The following SIRT1 variants were observed in gnomAD, a reference collection of about 807,000 sequenced individuals.
SIRT1 encodes the protein NAD-dependent protein deacetylase sirtuin-1.
Under a neutral mutation model 67.9 loss-of-function variants are expected in SIRT1, and 24 were observed. That is an observed-to-expected ratio of 0.35 (90% CI 0.26 to 0.50). The LOEUF (loss-of-function observed/expected upper bound fraction) is 0.50, where lower values mean the gene tolerates loss of function less well. Ranked by LOEUF, SIRT1 falls within the 20% of genes least tolerant of loss-of-function variation. The pLI is 0.98. For synonymous variants in SIRT1, 378 were observed against 350.7 expected (o/e 1.08, Z -0.87); for missense variants, 873 against 937.2 (o/e 0.93, Z 0.89).
intron 4 of SIRT1, among the ~76,000 whole-genome samples, chr10:67,898,541 G>A (rs1001737569): frequency 2.0e-5 from 3 of 152,082 alleles, no homozygotes; most frequent in Admixed American, 6.5e-5. Context: ...AAAAATCAAC[G>A]TCAGTAAAAA....
intron 7 of SIRT1, 152 bp from the exon 8 acceptor site, chr10:67,912,322 G>GTAAT: frequency 1.6e-6 from 1 of 645,136 alleles, no homozygotes; most frequent in Non-Finnish European, 2.6e-6. Context: ...TTGATGAAAT[G>GTAAT]TAATGGCTTG....
chr10:67,910,935 T>G (rs1233635937), intron 7 of SIRT1, among the ~76,000 whole-genome samples: 4 of 152,166 alleles, frequency 2.6e-5, no homozygotes. Flanking sequence ...GAGAATTGAA[T>G]TAGACCCCAC....
chr10:67,897,862 A>T (rs1275783317), intron 4 of SIRT1, among the ~76,000 whole-genome samples: 2 of 152,102 alleles, frequency 1.3e-5, no homozygotes, highest in East Asian at 3.8e-4. Context: ...TGGTTCTCAG[A>T]AACCTAAAAT....
intron 3 of SIRT1, 72 bp downstream of exon 3, chr10:67,889,195 TC>T: frequency 6.8e-7 from 1 of 1,477,562 alleles, no homozygotes; most frequent in Non-Finnish European, 9.0e-7. Context: ...GAAACATTTT[TC>T]TGGTTTAGAA....
intron 1 of SIRT1, chr10:67,885,479 T>A (rs1312436279): frequency 3.2e-6 from 3 of 923,904 alleles, no homozygotes; most frequent in African/African-American, 1.7e-5. Flanking sequence ...TTGTTAGAGC[T>A]TTTTTTTTCT....
rs983640347 is a variant in SIRT1 at position 67,914,304 on chromosome 10, C to T, written c.1915+1273C>T. Among the ~76,000 whole-genome samples the T allele has an allele frequency of 4.6e-5, 7 of 152,044 alleles. No individual in the cohort carries two copies. In the South Asian group the frequency reaches 1.2e-3, roughly 27 times the overall value. ...TCAGGCTGGTCTCAAACTCCTGACC[C>T]CATGATCCATCCACCTCGGCCTCCC... On this transcript the variant is annotated intron_variant, in intron 8 of 8. Coordinates refer to ENST00000212015, the MANE Select transcript of SIRT1 (RefSeq NM_012238.5).
At chr10:67,907,822 T>C (rs1228853862) in intron 5 of SIRT1, among the ~76,000 whole-genome samples, 2 of 152,182 alleles carry the variant, frequency 1.3e-5, no homozygotes, top group Non-Finnish European at 2.9e-5. Flanking sequence ...GAGAATCATA[T>C]TCATTCTATG....
chr10:67,887,418 T>C lies in SIRT1; in HGVS notation c.432T>C (p.Asp144=), dbSNP rs1451384183. 6.2e-7 allele frequency: 1 copy of C among 1,608,724 alleles called. No individual in the cohort carries two copies. Among genetic ancestry groups the C allele is most frequent in the East Asian group, 2.2e-5 (1 of 44,818 alleles). The change falls in exon 2 of 9, where the codon GAT becomes GAC. Residue 144 remains aspartate, a splice_region_variant and synonymous_variant. Coordinates refer to ENST00000212015, the MANE Select transcript of SIRT1 (RefSeq NM_012238.5). ...EAAAAAIGYR[D]NLLFGDEIIT... is the part of the protein sequence containing the mutation. Reference sequence around the variant, plus strand: ...TGACTGACTTGGTTTCTTTTGCAGATAACCTTCTGTTCGGTGATGAAATTA... The same window carrying C: ...TGACTGACTTGGTTTCTTTTGCAGACAACCTTCTGTTCGGTGATGAAATTA...
rs200455985 is a variant in SIRT1, at chr10:67,908,138, C to T, written c.1170+13C>T. On this transcript the variant is annotated intron_variant, in intron 6 of 8. Coordinates refer to ENST00000212015, the MANE Select transcript of SIRT1 (RefSeq NM_012238.5). ...TATTTTTAATCAGGTAATTTGTTGC[C>T]CATATTTTAGGAATTGTTCATGTCT... 1.2e-6 allele frequency: 2 copies of T among 1,606,688 alleles called. No homozygotes were observed. Among genetic ancestry groups the T allele is most frequent in the Non-Finnish European group, 1.7e-6 (2 of 1,175,168 alleles).
chr10:67,890,646 T>C (rs1010654850), intron 3 of SIRT1, among the ~76,000 whole-genome samples: 3 of 152,002 alleles, frequency 2.0e-5, no homozygotes, highest in Non-Finnish European at 4.4e-5. Flanking sequence ...GGTGGGAGGA[T>C]TGCTTGAGCC....
intron 7 of SIRT1, 30 bp from the exon 8 acceptor site, chr10:67,912,444 T>A (rs772940875): frequency 6.5e-7 from 1 of 1,548,170 alleles, no homozygotes; most frequent in Non-Finnish European, 8.7e-7. Flanking sequence ...TCCTCCCTTT[T>A]TCTAACTCTT....
intron 1 of SIRT1, 26 bp from the exon 2 acceptor site, chr10:67,887,391 C>G: frequency 6.7e-7 from 1 of 1,495,196 alleles, no homozygotes; most frequent in South Asian, 1.1e-5. Flanking sequence ...TTTTGATAGC[C>G]TTGACTGACT....
chr10:67,891,558 C>T lies in SIRT1; in HGVS notation c.942+4C>T, dbSNP rs1445294019. ...ACCATTCTTCAAGTTTGCAAAGGTA[C>T]TATGAACTCTTCTGGTTGTTTCTTT... On this transcript the variant is annotated splice_donor_region_variant and intron_variant, in intron 4 of 8. Coordinates refer to ENST00000212015, the MANE Select transcript of SIRT1 (RefSeq NM_012238.5). 16 of 1,613,726 alleles carry T rather than the reference C, an allele frequency of 9.9e-6. No individual in the cohort carries two copies. Among genetic ancestry groups the T allele is most frequent in the Non-Finnish European group, 1.2e-5 (14 of 1,179,810 alleles).
Position 67,909,517 on chromosome 10 carries a change from A to G in SIRT1, c.1357+75A>G, listed in dbSNP as rs981508499. Reference sequence around the variant, plus strand: ...GTTGTGGGTCTGTATAATAGACGCTAGTAATCTTAACTCTGCTTCTGTTTG... The same window carrying G: ...GTTGTGGGTCTGTATAATAGACGCTGGTAATCTTAACTCTGCTTCTGTTTG... On this transcript the variant is annotated intron_variant, in intron 7 of 8. Coordinates refer to ENST00000212015, the MANE Select transcript of SIRT1 (RefSeq NM_012238.5). The G allele has an allele frequency of 1.3e-5, 15 of 1,198,824 alleles. No individual in the cohort carries two copies. The African/African-American group carries it at 2.3e-4, about 19-fold the overall frequency. 74.3% of individuals were successfully genotyped at this position (1,198,824 alleles called of 1,614,324 possible).
intron 5 of SIRT1, among the ~76,000 whole-genome samples, chr10:67,907,490 CAAAAAAAAAAA>C (rs373037115): frequency 1.8e-5 from 2 of 109,036 alleles, no homozygotes; most frequent in African/African-American, 7.7e-5. Context: ...GAGACTCTGT[CAAAAAAAAAAA>C]AAAAAAAGAA....
chr10:67,887,659 C>G (rs1842506608), intron 2 of SIRT1, 126 bp downstream of exon 2: 3 of 566,944 alleles, frequency 5.3e-6, no homozygotes, highest in South Asian at 1.9e-5. Context: ...TCACCGTACC[C>G]TCCGCCTTCC....
Position 67,885,091 on chromosome 10 carries a change from G to GACA in SIRT1, c.372_373insAAC (p.Asp124_Asp125insAsn). The GACA allele has an allele frequency of 7.0e-7, 1 of 1,433,978 alleles. No individual in the cohort carries two copies. The highest frequency in any genetic ancestry group is 3.0e-5 in the East Asian group (1 of 33,036). The allele number at this position is 1,433,978 out of a possible 1,614,324, so 88.8% of individuals were successfully genotyped here. A position where few individuals can be genotyped will look rare whatever the true frequency, so the allele number is the denominator to read the frequency against. ...GCTGGCCGACAACTTGTACGACGAA[G>GACA]ACGACGACGACGAGGGCGAGGAGGA... On this transcript the variant is annotated inframe_insertion, in exon 1 of 9. Coordinates refer to ENST00000212015, the MANE Select transcript of SIRT1 (RefSeq NM_012238.5).
chr10:67,915,344 G>A (rs1326837932), intron 8 of SIRT1, among the ~76,000 whole-genome samples: 1 of 152,174 alleles, frequency 6.6e-6, no homozygotes, highest in Non-Finnish European at 1.5e-5. Context: ...GTGAATTCAA[G>A]GATAGAAAAC....
intron 1 of SIRT1, 116 bp downstream of exon 1, chr10:67,885,267 T>C (rs2131842463): frequency 8.2e-7 from 1 of 1,216,482 alleles, no homozygotes; most frequent in Non-Finnish European, 1.0e-6. Flanking sequence ...GGCGTTCCCC[T>C]CCCCACCCCG....
Sources: gnomAD v4.1 joint callset for allele counts (sites outside exome capture counted in the v4.1 genomes callset) on GRCh38, gnomAD v4.1.1 for gene constraint, MANE v1.5 for transcripts, NCBI Gene and HGNC (gene_info 2026-07-23, HGNC 2026-07-21) for gene names.